The following MYO7B variants were observed in gnomAD, a reference collection of about 807,000 sequenced individuals.
MYO7B encodes unconventional myosin-VIIb.
Under a neutral mutation model 259.7 loss-of-function variants are expected in MYO7B, and 212 were observed. The ratio of observed to expected loss-of-function variants is 0.82; its 90% CI spans 0.73 to 0.91. The LOEUF is 0.91. Among genes scored for constraint, MYO7B ranks in the 40% least tolerant of loss-of-function variants. The probability of loss-of-function intolerance (pLI) is 0.00; values close to 1 mark genes in which losing one functional copy is unlikely to be tolerated. For missense variants in MYO7B, 2,732 were observed against 2,813.5 expected, an observed-to-expected ratio of 0.97 and a Z score of 0.66; for synonymous variants, 1,197 against 1,166.4, an observed-to-expected ratio of 1.03 and a Z score of -0.54.
intron 18 of MYO7B, among the ~76,000 whole-genome samples, chr2:127,593,997 C>T (rs1679670040): frequency 6.6e-6 from 1 of 152,220 alleles, no homozygotes; most frequent in African/African-American, 2.4e-5. Flanking sequence ...ACCTGGCCTC[C>T]ATCATGCTGG....
At chr2:127,618,444 T>C (rs1680676694) in intron 26 of MYO7B, among the ~76,000 whole-genome samples, 2 of 152,290 alleles carry the variant, frequency 1.3e-5, no homozygotes, top group South Asian at 2.1e-4. Flanking sequence ...GCTGCTTAAC[T>C]GATCACAGGT....
At chr2:127,549,905 A>T (rs1346498859) in intron 1 of MYO7B, among the ~76,000 whole-genome samples, 1 of 152,166 alleles carries the variant, frequency 6.6e-6, no homozygotes, top group Non-Finnish European at 1.5e-5. Context: ...AAATAATCAA[A>T]CTGCAAAAAG....
chr2:127,560,436 C>G (rs1039013405), intron 2 of MYO7B, among the ~76,000 whole-genome samples: 6 of 152,176 alleles, frequency 3.9e-5, no homozygotes, highest in Admixed American at 2.6e-4. Flanking sequence ...TGAATCACCC[C>G]TTTGGACTCT....
chr2:127,610,806 T>C (rs1680355525), intron 24 of MYO7B, among the ~76,000 whole-genome samples: 1 of 152,158 alleles, frequency 6.6e-6, no homozygotes. Context: ...TGCAGCCCCA[T>C]CACATGGCCA....
chr2:127,584,444 T>C lies in MYO7B; in HGVS notation c.1554+112T>C. 1 of 1,178,940 alleles carries C rather than the reference T, an allele frequency of 8.5e-7. No individual in the cohort carries two copies. The highest frequency in any genetic ancestry group is 1.5e-5 in the South Asian group (1 of 67,444). 73.0% of individuals were successfully genotyped at this position (1,178,940 alleles called of 1,614,324 possible). A position where few individuals can be genotyped will look rare whatever the true frequency, so the allele number is the denominator to read the frequency against. On this transcript the variant is annotated intron_variant, in intron 13 of 47. Coordinates refer to ENST00000409816, the MANE Select transcript of MYO7B (RefSeq NM_001393586.1). The surrounding 1 kb of genome is among the most constrained non-coding windows in gnomAD (Gnocchi z 5.8). The stretch of plus-strand genomic sequence containing the variant: ...ACTTGTTCTGAGAGTCACTAAAACC[T>C]CTGCCAGGAATAAGCAGAAGAGCCT...
chr2:127,551,863 T>G (rs1693456328), intron 1 of MYO7B, among the ~76,000 whole-genome samples: 1 of 152,156 alleles, frequency 6.6e-6, no homozygotes, highest in South Asian at 2.1e-4. Context: ...ATAGGGATTT[T>G]GGCAGAAACA....
rs1050920140 is a variant in MYO7B at position 127,597,609 on chromosome 2, T to G, written c.2339+1053T>G. On this transcript the variant is annotated intron_variant, in intron 19 of 47. Coordinates refer to ENST00000409816, the MANE Select transcript of MYO7B (RefSeq NM_001393586.1). The surrounding 1 kb of genome is among the most constrained non-coding windows in gnomAD (Gnocchi z 4.8). The stretch of plus-strand genomic sequence containing the variant: ...GATTCATCCAGGTTATTGCTTGCAT[T>G]AATATTTATTTATTTATTTATTTAT... 7.4e-6 allele frequency among the ~76,000 whole-genome samples: 1 copy of G among 135,358 alleles called. No individual in the cohort carries two copies. Among genetic ancestry groups the G allele is most frequent in the Non-Finnish European group, 1.5e-5 (1 of 64,836 alleles). 88.8% of individuals were successfully genotyped at this position (135,358 alleles called of 152,430 possible).
At position 127,578,302 on chromosome 2, in the gene MYO7B, C is replaced by T; in HGVS notation, c.1003+16C>T. 1 of 1,613,208 alleles carries T rather than the reference C, an allele frequency of 6.2e-7. No homozygotes were observed. Among genetic ancestry groups the T allele is most frequent in the Non-Finnish European group, 8.5e-7 (1 of 1,179,744 alleles). On this transcript the variant is annotated intron_variant, in intron 9 of 47. Coordinates refer to ENST00000409816, the MANE Select transcript of MYO7B (RefSeq NM_001393586.1). ...GGGTTCATGGGTAATGCCGGTTCTGCCCCAACTGCACCCTTGGGGAGGGAG... is the reference window on the plus strand; with the variant it reads ...GGGTTCATGGGTAATGCCGGTTCTGTCCCAACTGCACCCTTGGGGAGGGAG...
chr2:127,587,660 C>T (rs751399086), intron 14 of MYO7B, among the ~76,000 whole-genome samples: 4 of 151,568 alleles, frequency 2.6e-5, no homozygotes, highest in Admixed American at 6.6e-5. Context: ...CCTCTGCCTC[C>T]GGGCTTCAAG....
At chr2:127,545,505 GA>G (rs774094322) in intron 1 of MYO7B, among the ~76,000 whole-genome samples, 6 of 152,220 alleles carry the variant, frequency 3.9e-5, no homozygotes, top group Non-Finnish European at 8.8e-5. Flanking sequence ...TCAACTCTCT[GA>G]GAGACAAGTC....
rs116229328 is a variant in MYO7B at position 127,607,147 on chromosome 2, C to T, written c.2425-59C>T. The T allele has an allele frequency of 6.9e-4, 1,023 of 1,476,802 alleles. 10 individuals carry two copies. In the African/African-American group the frequency reaches 0.013, roughly 19 times the overall value. The allele number at this position is 1,476,802 out of a possible 1,614,324, so 91.5% of individuals were successfully genotyped here. On this transcript the variant is annotated intron_variant, in intron 20 of 47. Coordinates refer to ENST00000409816, the MANE Select transcript of MYO7B (RefSeq NM_001393586.1). This position sits in a 1 kb window ranked among gnomAD's most constrained non-coding sequence, Gnocchi z 4.4. Reference sequence around the variant, plus strand: ...GCACTGCCTCCTGGGGAGCACCCCTCTCTGTTTCCTGGGGAAGGCCTTCTT... The same window carrying T: ...GCACTGCCTCCTGGGGAGCACCCCTTTCTGTTTCCTGGGGAAGGCCTTCTT...
chr2:127,555,938 C>G (rs1693616951), intron 1 of MYO7B, among the ~76,000 whole-genome samples: 1 of 152,120 alleles, frequency 6.6e-6, no homozygotes, highest in Non-Finnish European at 1.5e-5. Context: ...TAGTTTAAAT[C>G]CATTGTTTTT....
In MYO7B at chr2:127,548,649, C is replaced by T. The variant is rs538077383; in HGVS notation, c.-23-11051C>T. ...CAGGCTGGTCTCGAACTCCTGACCT[C>T]GTGATCCACCCGCCTCGGCCTCCCA... On this transcript the variant is annotated intron_variant, in intron 1 of 47. Coordinates refer to ENST00000409816, the MANE Select transcript of MYO7B (RefSeq NM_001393586.1). Among the ~76,000 whole-genome samples the T allele has an allele frequency of 4.6e-5, 7 of 152,050 alleles. No individual in the cohort carries two copies. In the South Asian group the frequency reaches 1.0e-3, roughly 23 times the overall value.
At chr2:127,587,288 C>T (rs1172069753) in intron 14 of MYO7B, among the ~76,000 whole-genome samples, 26 of 152,104 alleles carry the variant, frequency 1.7e-4, no homozygotes, top group Admixed American at 1.7e-3. Flanking sequence ...TACTCATGGC[C>T]GGAGGGGAGA....
Position 127,608,835 on chromosome 2 carries a change from C to A in MYO7B, c.2771C>A (p.Ala924Asp). 6.2e-7 allele frequency: 1 copy of A among 1,613,478 alleles called. No individual in the cohort carries two copies. The highest frequency in any genetic ancestry group is 1.3e-5 in the African/African-American group (1 of 75,068). Residue 924 changes from alanine to aspartate, a missense_variant, in exon 22 of 48, where the codon GCC becomes GAC. Ala to Asp is a moderately radical substitution (Grantham distance 126, BLOSUM62 -2). Coordinates refer to ENST00000409816, the MANE Select transcript of MYO7B (RefSeq NM_001393586.1). Reference protein sequence around the residue: ...MVEKVFGFLPAMIGGQEGQAS... With the variant: ...MVEKVFGFLPDMIGGQEGQAS... ...GAGAAGGTGTTCGGCTTCCTCCCTG[C>A]CATGATTGGGGGCCAGGAGGGCCAG...
chr2:127,564,194 C>A lies in MYO7B; in HGVS notation c.60C>A (p.Thr20=). 1 of 1,576,722 alleles carries A rather than the reference C, an allele frequency of 6.3e-7. No homozygotes were observed. Among genetic ancestry groups the A allele is most frequent in the Admixed American group, 1.9e-5 (1 of 53,690 alleles). The part of the protein sequence containing the change: ...VWLEPPSTHK[T]GVAIGGIIKE... ...TGGAGCCTCCCTCCACCCACAAGAC[C>A]GGCGTGGCCATCGGGGGCATCATCA... Residue 20 remains threonine (T), a synonymous_variant, in exon 3 of 48, where the codon ACC becomes ACA. Transcript: ENST00000409816.
rs372050866 is a variant in MYO7B, at chr2:127,633,304, G to T, written c.5452G>T (p.Ala1818Ser). Residue 1818 changes from alanine to serine, a missense_variant, in exon 40 of 48, where the codon GCA (alanine) becomes TCA (serine). This residue lies in a region of MYO7B where 821 missense variants were observed against 769.3 expected (regional missense o/e 1.07). Coordinates refer to ENST00000409816, the MANE Select transcript of MYO7B (RefSeq NM_001393586.1). ...QPPHQVEVEA[A>S]EQNVSRICHK... ...CCCGCACCAGGTGGAGGTGGAGGCC[G>T]CAGAGCAGAACGTCTCCCGCATCTG... The T allele has an allele frequency of 1.9e-4, 312 of 1,612,512 alleles. No individual in the cohort carries two copies. The highest frequency in any genetic ancestry group is 2.5e-4 in the Non-Finnish European group (296 of 1,179,730).
intron 1 of MYO7B, among the ~76,000 whole-genome samples, chr2:127,541,653 T>C (rs1196490558): frequency 6.6e-6 from 1 of 152,144 alleles, no homozygotes; most frequent in Non-Finnish European, 1.5e-5. Context: ...TGTGTGTACA[T>C]GGTGGGGAGG....
chr2:127,569,964 T>G (rs1199561220), intron 6 of MYO7B, 54 bp downstream of exon 6: 1 of 1,567,932 alleles, frequency 6.4e-7, no homozygotes. Context: ...GGAGCCTTCC[T>G]GCCAGGTAGG....
Sources: gnomAD v4.1 joint callset for allele counts (sites outside exome capture counted in the v4.1 genomes callset) on GRCh38, gnomAD v4.1.1 for gene constraint, gnomAD v4.1.1 regional missense constraint, Gnocchi (gnomAD v3.1) non-coding constraint, MANE v1.5 for transcripts, NCBI Gene and HGNC (gene_info 2026-07-23, HGNC 2026-07-21) for gene names.